CTSO: variants seen among roughly 807,000 people sequenced by gnomAD.
The protein encoded by CTSO is cathepsin O.
A neutral mutation model predicts 42.4 loss-of-function variants in CTSO; 40 were observed. The ratio of observed to expected loss-of-function variants is 0.94; its 90% CI spans 0.73 to 1.23. The LOEUF (loss-of-function observed/expected upper bound fraction) is 1.23. Ranked by LOEUF, CTSO falls within the 50% of genes most tolerant of loss-of-function variation. The pLI, the probability that CTSO is intolerant of heterozygous loss-of-function variation, is 0.00. For synonymous variants in CTSO, 156 were observed against 146.2 expected, an observed-to-expected ratio of 1.07 and a Z score of -0.48; for missense variants, 441 against 396.0, an observed-to-expected ratio of 1.11 and a Z score of -0.96.
intron 1 of CTSO, among the ~76,000 whole-genome samples, chr4:155,945,671 T>C (rs1457716066): frequency 2.0e-5 from 3 of 152,196 alleles, no homozygotes; most frequent in Non-Finnish European, 4.4e-5. Context: ...GTTACCCTGA[T>C]TCTAAACCAG....
At chr4:155,936,881 T>C (rs545763513) in intron 5 of CTSO, among the ~76,000 whole-genome samples, 1 of 152,266 alleles carries the variant, frequency 6.6e-6, no homozygotes, top group East Asian at 1.9e-4. Context: ...TCTTGAAAAA[T>C]GCAAAGAACA....
chr4:155,952,525 G>GT (rs1474622607), intron 1 of CTSO, among the ~76,000 whole-genome samples: 2 of 152,224 alleles, frequency 1.3e-5, no homozygotes, highest in Middle Eastern at 3.2e-3. Context: ...GAAAACGAAC[G>GT]TAAGTTGAGG....
Position 155,953,707 on chromosome 4 carries a change from C to T in CTSO, c.135+6G>A, listed in dbSNP as rs975929698. The T allele has an allele frequency of 4.7e-6, 6 of 1,263,400 alleles. No homozygotes were observed. The highest frequency in any genetic ancestry group is 6.0e-6 in the Non-Finnish European group (6 of 1,004,708). The allele number at this position is 1,263,400 out of a possible 1,614,324, so 78.3% of individuals were successfully genotyped here. A position where few individuals can be genotyped will look rare whatever the true frequency, so the allele number is the denominator to read the frequency against. ...GACAGATCCCGGGGAGGCGCGCGCT[C>T]GGTACCCGGAAGGCGGCGGCTTCAC... On this transcript the variant is annotated splice_donor_region_variant and intron_variant, in intron 1 of 7. Transcript: ENST00000433477.
rs563175144 is a variant in CTSO at position 155,924,416 on chromosome 4, G to T, written c.*1620C>A. The T allele has an allele frequency of 6.6e-6, 1 of 152,224 alleles. No homozygotes were observed. The highest frequency in any genetic ancestry group is 2.1e-4 in the South Asian group (1 of 4,816). The allele number at this position is 152,224 out of a possible 1,614,324, so 9.4% of individuals were successfully genotyped here. On this transcript the variant is annotated 3_prime_UTR_variant, in exon 8 of 8. Coordinates refer to ENST00000433477, the MANE Select transcript of CTSO (RefSeq NM_001334.3). ...CACACATTCTTTTCGGATTGGTTCT[G>T]ACTGGCGTAAGAAGAGAAATACAGC... is the stretch of plus-strand genomic sequence containing the variant.
chr4:155,952,923 A>C lies in CTSO; in HGVS notation c.135+790T>G, dbSNP rs539290520. ...AAAAATGTGTTAAATAGTATCAGCT[A>C]TCTAGAACATAGTGAGGCGAACACT... On this transcript the variant is annotated intron_variant, in intron 1 of 7. Transcript: ENST00000433477. Among the ~76,000 whole-genome samples, 7 of 152,316 alleles carry C rather than the reference A, an allele frequency of 4.6e-5. No individual in the cohort carries two copies. The East Asian group carries it at 1.2e-3, about 25-fold the overall frequency.
At chr4:155,948,718 A>G (rs1743591930) in intron 1 of CTSO, among the ~76,000 whole-genome samples, 1 of 152,212 alleles carries the variant, frequency 6.6e-6, no homozygotes, top group South Asian at 2.1e-4. Flanking sequence ...CAGGATCAGA[A>G]AGCCCTTCCA....
At chr4:155,931,892 A>G (rs1333332121) in intron 5 of CTSO, among the ~76,000 whole-genome samples, 2 of 151,562 alleles carry the variant, frequency 1.3e-5, no homozygotes, top group African/African-American at 2.4e-5. Flanking sequence ...TAGTTCAAAT[A>G]ATTTTCCTAA....
chr4:155,925,819 C>G lies in CTSO; in HGVS notation c.*217G>C. 2.0e-6 allele frequency: 1 copy of G among 508,624 alleles called. No individual in the cohort carries two copies. The highest frequency in any genetic ancestry group is 3.4e-6 in the Non-Finnish European group (1 of 293,646). The allele number at this position is 508,624 out of a possible 1,614,324, so 31.5% of individuals were successfully genotyped here. On this transcript the variant is annotated 3_prime_UTR_variant, in exon 8 of 8. Transcript: ENST00000433477. ...CAGGAAACTATTCCATAGGCTTCCT[C>G]GCAGGCTTCTGTGCTGGAGTTTGTC...
At chr4:155,927,023 C>G (rs1438260867) in intron 7 of CTSO, among the ~76,000 whole-genome samples, 1 of 152,140 alleles carries the variant, frequency 6.6e-6, no homozygotes, top group Non-Finnish European at 1.5e-5. Flanking sequence ...ATGTACGAGT[C>G]CCCAGTGATG....
chr4:155,927,496 G>A (rs748521653), intron 7 of CTSO, among the ~76,000 whole-genome samples: 3 of 152,318 alleles, frequency 2.0e-5, no homozygotes, highest in Admixed American at 6.5e-5. Flanking sequence ...CAGGCTGGGC[G>A]TGGTGGCTCA....
chr4:155,931,946 T>G (rs1393907802), intron 5 of CTSO, among the ~76,000 whole-genome samples: 3 of 151,998 alleles, frequency 2.0e-5, no homozygotes, highest in Non-Finnish European at 4.4e-5. Context: ...AAGTCTGACC[T>G]GTTACTGATG....
chr4:155,925,865 T>A lies in CTSO; in HGVS notation c.*171A>T. The A allele has an allele frequency of 1.6e-6, 1 of 616,544 alleles. No individual in the cohort carries two copies. Among genetic ancestry groups the A allele is most frequent in the Non-Finnish European group, 2.8e-6 (1 of 359,788 alleles). The allele number at this position is 616,544 out of a possible 1,614,324, so 38.2% of individuals were successfully genotyped here. A position where few individuals can be genotyped will look rare whatever the true frequency, so the allele number is the denominator to read the frequency against. On this transcript the variant is annotated 3_prime_UTR_variant, in exon 8 of 8. Transcript: ENST00000433477. ...TTGTCCCACTGACTTTGGTTGTCCATCTCTCTACAAGAAGGGAACATTCTG... is the reference window on the plus strand; with the variant it reads ...TTGTCCCACTGACTTTGGTTGTCCAACTCTCTACAAGAAGGGAACATTCTG...
At chr4:155,941,591 T>C (rs753945704) in intron 3 of CTSO, among the ~76,000 whole-genome samples, 115 of 152,262 alleles carry the variant, frequency 7.6e-4, no homozygotes, top group Non-Finnish European at 1.4e-3. Flanking sequence ...AAAACTGTGC[T>C]ACTGTGTCTA....
chr4:155,953,842 G>A lies in CTSO; in HGVS notation c.6C>T (p.Asp2=), dbSNP rs1158694877. 3 of 1,285,056 alleles carry A rather than the reference G, an allele frequency of 2.3e-6. No individual in the cohort carries two copies. The highest frequency in any genetic ancestry group is 2.9e-6 in the Non-Finnish European group (3 of 1,019,536). 79.6% of individuals were successfully genotyped at this position (1,285,056 alleles called of 1,614,324 possible). Residue 2 remains aspartate (D), a synonymous_variant, in exon 1 of 8, where the codon GAC becomes GAT. Transcript: ENST00000433477. ...ACGGCAGCCACGGCAGCGCCCGCAC[G>A]TCCATTGCGGCGCCCGGCTCCTCTG... M[D]VRALPWLPWL...
chr4:155,946,001 A>G (rs1743539128), intron 1 of CTSO, among the ~76,000 whole-genome samples: 1 of 152,156 alleles, frequency 6.6e-6, no homozygotes, highest in South Asian at 2.1e-4. Context: ...TTAAAATTAC[A>G]CAAATTGTTT....
chr4:155,939,900 G>C (rs1743398642), intron 3 of CTSO, among the ~76,000 whole-genome samples: 1 of 152,120 alleles, frequency 6.6e-6, no homozygotes, highest in Non-Finnish European at 1.5e-5. Context: ...CTTCTGGAGA[G>C]TGTGTGCCGA....
In CTSO at chr4:155,928,578, T is replaced by C. The variant is rs1005813635; in HGVS notation, c.839-150A>G. On this transcript the variant is annotated intron_variant, in intron 6 of 7. Transcript: ENST00000433477. ...AATTTAATGGTAACTTAAACTACTT[T>C]ATTTTAACTAAGTAAACCTGAGCAG... 7 of 585,318 alleles carry C rather than the reference T, an allele frequency of 1.2e-5. No individual in the cohort carries two copies. In the African/African-American group the frequency reaches 1.3e-4, roughly 11 times the overall value. The allele number at this position is 585,318 out of a possible 1,614,324, so 36.3% of individuals were successfully genotyped here. A position where few individuals can be genotyped will look rare whatever the true frequency, so the allele number is the denominator to read the frequency against.
chr4:155,937,821 GC>G (rs1419875642), intron 4 of CTSO, among the ~76,000 whole-genome samples: 2 of 152,072 alleles, frequency 1.3e-5, no homozygotes, highest in Non-Finnish European at 2.9e-5. Flanking sequence ...TCACTCTGTT[GC>G]CCAGGCTGGT....
chr4:155,952,024 AC>A (rs1351912010), intron 1 of CTSO, among the ~76,000 whole-genome samples: 2 of 152,210 alleles, frequency 1.3e-5, no homozygotes, highest in Admixed American at 6.5e-5. Context: ...CCAACTAAGC[AC>A]CGAGAGGTGT....
Sources: gnomAD v4.1 joint callset for allele counts (sites outside exome capture counted in the v4.1 genomes callset) on GRCh38, gnomAD v4.1.1 for gene constraint, MANE v1.5 for transcripts, NCBI Gene and HGNC (gene_info 2026-07-23, HGNC 2026-07-21) for gene names.